Variants in SBF1 observed in about 807,000 individuals in gnomAD.
SBF1 encodes the protein SET binding factor 1, also known as myotubularin-related protein 5.
A neutral mutation model predicts 215.8 loss-of-function variants in SBF1; 65 were observed. The observed-to-expected ratio is 0.30, with a 90% CI of 0.25 to 0.37. SBF1 has a LOEUF of 0.37. Ranked by LOEUF, SBF1 falls within the 10% of genes least tolerant of loss-of-function variation. The pLI is 1.00. For missense variants in SBF1, 2,634 were observed against 2,667.8 expected, an observed-to-expected ratio of 0.99 and a Z score of 0.28; for synonymous variants, 1,410 against 1,122.8, an observed-to-expected ratio of 1.26 and a Z score of -5.11.
rs775751855 is a variant in SBF1, at chr22:50,447,210, A to C, written c.5614T>G (p.Cys1872Gly). ...TGGGCCGAGGGCACGTCCTGGGCAC[A>C]GAAGTTGTAAACGCGACGCGTTGTC... ...VKTTRRVYNF[C>G]AQDVPSAQQW... is the part of the protein sequence containing the mutation. Residue 1872 changes from cysteine to glycine, a missense_variant, in exon 41 of 41, where the codon TGT becomes GGT. Transcript: ENST00000380817. 3.3e-5 allele frequency: 53 copies of C among 1,613,838 alleles called. No homozygotes were observed. In the Admixed American group the frequency reaches 3.5e-4, roughly 11 times the overall value.
chr22:50,474,290 T>C (rs1251772035), intron 1 of SBF1, among the ~76,000 whole-genome samples: 1 of 152,206 alleles, frequency 6.6e-6, no homozygotes, highest in Admixed American at 6.5e-5. Flanking sequence ...CCACCCCCTC[T>C]TTGCACCCCG....
intron 1 of SBF1, among the ~76,000 whole-genome samples, chr22:50,470,697 G>C (rs984083045): frequency 3.9e-5 from 6 of 152,194 alleles, no homozygotes; most frequent in African/African-American, 7.2e-5. Context: ...TGGCTGGGAC[G>C]GACCACAGGC....
At chr22:50,466,733 G>C in intron 5 of SBF1, 23 bp from the exon 6 acceptor site, 1 of 1,484,858 alleles carries the variant, frequency 6.7e-7, no homozygotes, top group Non-Finnish European at 9.1e-7. Flanking sequence ...AAGGATCGGG[G>C]CTCAGTAGTT....
Position 50,459,983 on chromosome 22 carries a change from G to T in SBF1, c.3460C>A (p.Pro1154Thr). 6.2e-7 allele frequency: 1 copy of T among 1,613,892 alleles called. No homozygotes were observed. Among genetic ancestry groups the T allele is most frequent in the Non-Finnish European group, 8.5e-7 (1 of 1,179,954 alleles). ...RAKSEPFRIS[P>T]VNRMYAICRS... ...CAGATGGCATACATGCGGTTGACCG[G>T]AGAAATGCGGAAGGGCTCAGACTTG... Residue 1154 changes from proline (P) to threonine (T), a missense_variant, in exon 26 of 41, where the codon CCG becomes ACG. Coordinates refer to ENST00000380817, the MANE Select transcript of SBF1 (RefSeq NM_002972.4).
At chr22:50,461,775 G>C (rs760869457) in intron 21 of SBF1, 21 bp downstream of exon 21, 7 of 1,612,182 alleles carry the variant, frequency 4.3e-6, no homozygotes, top group East Asian at 2.2e-5. Flanking sequence ...GGCCCCCGCA[G>C]CCCCAACGGC....
chr22:50,456,144 C>T, intron 31 of SBF1, 72 bp downstream of exon 31: 2 of 1,500,982 alleles, frequency 1.3e-6, no homozygotes, highest in Non-Finnish European at 1.8e-6. Context: ...AAACCTAGAC[C>T]CGTCCACTTG....
Position 50,461,198 on chromosome 22 carries a change from G to A in SBF1, c.2928C>T (p.Leu976=). 6.2e-7 allele frequency: 1 copy of A among 1,610,902 alleles called. No individual in the cohort carries two copies. ...AGCGCAGCTGGAGCCCGTCCTGCAGGAGCTGGTCCACAGGGGTCTGGACGC... is the reference window on the plus strand; with the variant it reads ...AGCGCAGCTGGAGCCCGTCCTGCAGAAGCTGGTCCACAGGGGTCTGGACGC... ...RISVQTPVDQ[L]LQDGLQLRSC... Residue 976 remains leucine (L), a synonymous_variant, in exon 23 of 41, where the codon CTC becomes CTT. Transcript: ENST00000380817.
In SBF1 at chr22:50,461,856, C is replaced by T. The variant is rs1425090347; in HGVS notation, c.2583G>A (p.Met861Ile). The change falls in exon 21 of 41, where the codon ATG (methionine) becomes ATA (isoleucine). Residue 861 changes from methionine to isoleucine, a missense_variant. Physicochemically the swap from Met to Ile is conservative, Grantham distance 10. Transcript: ENST00000380817. ...GCACGGCCTCCAGGGTCTCGATGTG[C>T]ATCTGGACAATGTCTGGGGGAAGAC... ...LHVMVPDIVQMHIETLEAVQR... is the reference protein window; with the variant it reads ...LHVMVPDIVQIHIETLEAVQR... The T allele has an allele frequency of 6.2e-7, 1 of 1,613,954 alleles. No individual in the cohort carries two copies. Among genetic ancestry groups the T allele is most frequent in the Non-Finnish European group, 8.5e-7 (1 of 1,180,038 alleles).
chr22:50,474,876 G>A lies in SBF1; in HGVS notation c.-36C>T. On this transcript the variant is annotated 5_prime_UTR_variant, in exon 1 of 41. Transcript: ENST00000380817. ...GCGGGGCGGCCCGAGGGGCGCGGGC[G>A]GGCTCCGCGGCTCGGGGACTCGAGG... The A allele has an allele frequency of 7.5e-7, 1 of 1,337,038 alleles. No individual in the cohort carries two copies. The highest frequency in any genetic ancestry group is 9.6e-7 in the Non-Finnish European group (1 of 1,045,958). The allele number at this position is 1,337,038 out of a possible 1,614,324, so 82.8% of individuals were successfully genotyped here.
chr22:50,450,679 C>G (rs1274944675), intron 36 of SBF1, among the ~76,000 whole-genome samples: 1 of 152,224 alleles, frequency 6.6e-6, no homozygotes, highest in Non-Finnish European at 1.5e-5. Flanking sequence ...TTGGGCTGCT[C>G]TATCCCTGGA....
chr22:50,468,733 G>C (rs2067884819), intron 1 of SBF1, among the ~76,000 whole-genome samples: 1 of 152,024 alleles, frequency 6.6e-6, no homozygotes, highest in African/African-American at 2.4e-5. Flanking sequence ...GCTTCACACA[G>C]CACAGCAGCC....
intron 10 of SBF1, 148 bp from the exon 11 acceptor site, chr22:50,465,476 G>C: frequency 1.4e-6 from 1 of 728,754 alleles, no homozygotes; most frequent in Non-Finnish European, 2.3e-6. Flanking sequence ...AGGGCCACCA[G>C]CTCCTCTGAA....
intron 31 of SBF1, 22 bp downstream of exon 31, chr22:50,456,194 A>G (rs2067239486): frequency 6.2e-7 from 1 of 1,607,706 alleles, no homozygotes; most frequent in African/African-American, 1.3e-5. Context: ...AGGCGGGCAG[A>G]GGGACGGGGC....
chr22:50,459,135 A>G, intron 28 of SBF1, 120 bp downstream of exon 28: 1 of 1,389,970 alleles, frequency 7.2e-7, no homozygotes, highest in East Asian at 2.5e-5. Flanking sequence ...CTCATCCCAC[A>G]CCCAAACATC....
chr22:50,460,452 A>C, intron 24 of SBF1, 44 bp from the exon 25 acceptor site: 1 of 1,602,708 alleles, frequency 6.2e-7, no homozygotes, highest in Non-Finnish European at 8.5e-7. Context: ...AGGAGGGACA[A>C]AGATGAGCAC....
intron 36 of SBF1, among the ~76,000 whole-genome samples, chr22:50,453,875 C>A (rs2067144185): frequency 6.6e-6 from 1 of 152,158 alleles, no homozygotes; most frequent in African/African-American, 2.4e-5. Context: ...GGTCCAAGGT[C>A]CACACTCCTC....
chr22:50,455,441 C>T, intron 32 of SBF1, 32 bp from the exon 33 acceptor site: 1 of 1,612,336 alleles, frequency 6.2e-7, no homozygotes, highest in South Asian at 1.1e-5. Context: ...CAGCGAGGAG[C>T]CCGGGAGCCT....
rs1033053840 is a variant in SBF1 at position 50,471,310 on chromosome 22, C to T, written c.56-2849G>A. Among the ~76,000 whole-genome samples the T allele has an allele frequency of 3.3e-5, 5 of 152,380 alleles. No individual in the cohort carries two copies. The East Asian group carries it at 9.6e-4, about 29-fold the overall frequency. On this transcript the variant is annotated intron_variant, in intron 1 of 40. Coordinates refer to ENST00000380817, the MANE Select transcript of SBF1 (RefSeq NM_002972.4). The stretch of plus-strand genomic sequence containing the variant: ...ACCAATGTCCCTGCGGCCAGCCCCA[C>T]GCAGACGGCAGGCCTGAAAGGCGGG...
rs768808044 is a variant in SBF1, at chr22:50,460,420, G to C, written c.3147-12C>G. ...TCCGGGACAGGGTTCTGAGGCCCACGAGAGTCAGCAAAGGTGAGAGGAGGA... is the reference window on the plus strand; with the variant it reads ...TCCGGGACAGGGTTCTGAGGCCCACCAGAGTCAGCAAAGGTGAGAGGAGGA... On this transcript the variant is annotated splice_polypyrimidine_tract_variant and intron_variant, in intron 24 of 40. Transcript: ENST00000380817. 10 of 1,607,308 alleles carry C rather than the reference G, an allele frequency of 6.2e-6. No individual in the cohort carries two copies. The Admixed American group carries it at 1.7e-4, about 27-fold the overall frequency.
Sources: allele counts gnomAD v4.1 joint callset (sites outside exome capture counted in the v4.1 genomes callset), GRCh38; gene constraint gnomAD v4.1.1; transcripts MANE v1.5; gene names NCBI Gene and HGNC (gene_info 2026-07-23, HGNC 2026-07-21).